The following PTCHD4 variants were observed in gnomAD, a reference collection of about 807,000 sequenced individuals.
The protein encoded by PTCHD4 is patched domain containing 4.
PTCHD4 carries 33 observed loss-of-function variants against 58.1 expected under a neutral mutation model. The observed-to-expected ratio is 0.57, with a 90% CI of 0.43 to 0.76. The LOEUF (loss-of-function observed/expected upper bound fraction) is 0.76. Ranked by LOEUF, PTCHD4 falls within the 30% of genes least tolerant of loss-of-function variation. The probability of loss-of-function intolerance (pLI) is 0.00; values close to 1 mark genes in which losing one functional copy is unlikely to be tolerated. For missense variants in PTCHD4, 1,058 were observed against 1,027.1 expected (o/e 1.03, Z -0.41); for synonymous variants, 478 against 409.6 (o/e 1.17, Z -2.02).
At chr6:47,887,239 T>C (rs982699815) in intron 4 of PTCHD4, among the ~76,000 whole-genome samples, 2 of 149,498 alleles carry the variant, frequency 1.3e-5, no homozygotes, top group East Asian at 3.9e-4. Context: ...TTTTATGTAA[T>C]TTACTCTATA....
chr6:48,103,390 G>A (rs1355232581), intron 1 of PTCHD4, among the ~76,000 whole-genome samples: 1 of 152,172 alleles, frequency 6.6e-6, no homozygotes, highest in Non-Finnish European at 1.5e-5. Flanking sequence ...GCAGCTGAGG[G>A]TCCTGACTGT....
At chr6:48,005,351 A>T (rs1485168182) in intron 4 of PTCHD4, among the ~76,000 whole-genome samples, 1 of 152,198 alleles carries the variant, frequency 6.6e-6, no homozygotes, top group Non-Finnish European at 1.5e-5. Flanking sequence ...TCACTATCTC[A>T]AAGAAGTCAT....
chr6:47,949,852 C>A (rs1382392273), intron 4 of PTCHD4, among the ~76,000 whole-genome samples: 4 of 151,732 alleles, frequency 2.6e-5, no homozygotes, highest in Admixed American at 2.6e-4. Flanking sequence ...CTAACTAATG[C>A]AGTAAGGAAC....
chr6:47,881,228 G>A (rs549520516), intron 4 of PTCHD4, among the ~76,000 whole-genome samples: 1 of 152,304 alleles, frequency 6.6e-6, no homozygotes, highest in Admixed American at 6.5e-5. Context: ...CTTTAACAAA[G>A]ATGTGATAGC....
chr6:48,086,509 G>GT (rs150567452), intron 1 of PTCHD4, among the ~76,000 whole-genome samples: 23,434 of 149,476 alleles, frequency 0.16, 1,880 homozygotes, highest in African/African-American at 0.2. Flanking sequence ...ACCAATTTCT[G>GT]TTTTTTTTTC....
At chr6:47,960,738 A>ATTC (rs1767052294) in intron 4 of PTCHD4, among the ~76,000 whole-genome samples, 2 of 152,076 alleles carry the variant, frequency 1.3e-5, no homozygotes, top group South Asian at 4.1e-4. Flanking sequence ...TCTAACAGTA[A>ATTC]TTAGAAAGAC....
chr6:48,006,215 A>G (rs558763678), intron 4 of PTCHD4, among the ~76,000 whole-genome samples: 2 of 152,318 alleles, frequency 1.3e-5, no homozygotes, highest in Admixed American at 6.5e-5. Flanking sequence ...TTATGATTCT[A>G]AAAGTCACTG....
intron 3 of PTCHD4, among the ~76,000 whole-genome samples, chr6:48,053,731 G>A (rs893445087): frequency 6.6e-6 from 1 of 152,102 alleles, no homozygotes; most frequent in Non-Finnish European, 1.5e-5. Context: ...CATCTTAGGA[G>A]CATAGCAAAT....
chr6:47,898,069 C>A (rs964607944), intron 4 of PTCHD4, among the ~76,000 whole-genome samples: 1 of 151,312 alleles, frequency 6.6e-6, no homozygotes, highest in Non-Finnish European at 1.5e-5. Context: ...CGCAGCCTCC[C>A]GAGTAGCTGG....
chr6:48,104,682 T>C (rs994798547), intron 1 of PTCHD4, among the ~76,000 whole-genome samples: 18 of 152,074 alleles, frequency 1.2e-4, no homozygotes, highest in Admixed American at 1.1e-3. Flanking sequence ...TCAAGACCCA[T>C]CAGTGTGCTG....
chr6:48,056,008 T>G (rs80230175), intron 3 of PTCHD4, among the ~76,000 whole-genome samples: 1 of 152,212 alleles, frequency 6.6e-6, no homozygotes, highest in Non-Finnish European at 1.5e-5. Flanking sequence ...TTTCCCACTC[T>G]TAGTGGAAAA....
intron 4 of PTCHD4, among the ~76,000 whole-genome samples, chr6:47,931,961 G>A (rs763979465): frequency 6.6e-6 from 1 of 152,042 alleles, no homozygotes; most frequent in Non-Finnish European, 1.5e-5. Context: ...TCCTTCTCTG[G>A]GACACACTGG....
At chr6:48,070,906 A>G (rs186056501) in intron 1 of PTCHD4, among the ~76,000 whole-genome samples, 155 of 152,366 alleles carry the variant, frequency 1.0e-3, no homozygotes, top group Non-Finnish European at 1.8e-3. Flanking sequence ...TTATTACATT[A>G]AATATACTTG....
intron 4 of PTCHD4, among the ~76,000 whole-genome samples, chr6:47,919,769 C>A (rs186496811): frequency 1.3e-5 from 2 of 151,744 alleles, no homozygotes; most frequent in South Asian, 4.2e-4. Context: ...ATTCTGTTGT[C>A]GAAGCAGGAT....
chr6:48,021,145 C>G (rs959098874), intron 3 of PTCHD4, among the ~76,000 whole-genome samples: 2 of 151,738 alleles, frequency 1.3e-5, no homozygotes, highest in African/African-American at 4.8e-5. Context: ...AGTATAAAAT[C>G]TATATTTTCT....
chr6:47,960,509 G>A (rs1767042162), intron 4 of PTCHD4, among the ~76,000 whole-genome samples: 1 of 151,916 alleles, frequency 6.6e-6, no homozygotes, highest in Non-Finnish European at 1.5e-5. Flanking sequence ...AAAAAAAGTA[G>A]AAAATTTATA....
Position 48,061,956 on chromosome 6 carries a change from A to G in PTCHD4, c.417+6274T>C, listed in dbSNP as rs543736285. Among the ~76,000 whole-genome samples, 34 of 152,220 alleles carry G rather than the reference A, an allele frequency of 2.2e-4. No individual in the cohort carries two copies. The South Asian group carries it at 6.6e-3, about 30-fold the overall frequency. ...AAAAGGTGTCTTGGGCAAAACTAGGAGGTTGGAATTTTCATATTTCTTCTT... is the reference window on the plus strand; with the variant it reads ...AAAAGGTGTCTTGGGCAAAACTAGGGGGTTGGAATTTTCATATTTCTTCTT... On this transcript the variant is annotated intron_variant, in intron 3 of 4. Transcript: ENST00000339488.
At chr6:48,019,459 G>A (rs147432223) in intron 3 of PTCHD4, among the ~76,000 whole-genome samples, 1,762 of 152,220 alleles carry the variant, frequency 0.012, 26 homozygotes, top group African/African-American at 0.039. Context: ...AGTACTGGCC[G>A]GGCGCTGTGG....
chr6:47,999,985 C>A (rs570013298), intron 4 of PTCHD4, among the ~76,000 whole-genome samples: 1 of 152,272 alleles, frequency 6.6e-6, no homozygotes, highest in South Asian at 2.1e-4. Context: ...ATACTCCGTG[C>A]TGTTGGCTAG....
Sources: allele counts gnomAD v4.1 joint callset (sites outside exome capture counted in the v4.1 genomes callset), GRCh38; gene constraint gnomAD v4.1.1; transcripts MANE v1.5; gene names NCBI Gene and HGNC (gene_info 2026-07-23, HGNC 2026-07-21).